The following EPPIN variants were observed in gnomAD, a reference collection of about 807,000 sequenced individuals.
EPPIN encodes the protein epididymal peptidase inhibitor, also known as WAP four-disulfide core domain protein 7.
Under a neutral mutation model 18.8 loss-of-function variants are expected in EPPIN, and 14 were observed. The ratio of observed to expected loss-of-function variants is 0.75; its 90% CI spans 0.49 to 1.17. EPPIN has a LOEUF of 1.17. EPPIN is among the 50% of genes most tolerant of loss of function. EPPIN has a pLI of 0.00. For missense variants in EPPIN, 143 were observed against 154.2 expected (o/e 0.93, Z 0.39); for synonymous variants, 57 against 54.8 (o/e 1.04, Z -0.18).
chr20:45,543,363 C>T (rs1979687022), intron 2 of EPPIN: 1 of 152,818 alleles, frequency 6.5e-6, no homozygotes, highest in South Asian at 2.1e-4. Flanking sequence ...GGACTTCTAG[C>T]CTGAGGAACT....
At chr20:45,545,407 C>T in intron 2 of EPPIN, 1 of 572,624 alleles carries the variant, frequency 1.7e-6, no homozygotes. Flanking sequence ...ACTGATTCAC[C>T]AATGATTTGT....
intron 3 of EPPIN, 73 bp downstream of exon 3, chr20:45,542,627 A>G (rs1979643733): frequency 6.4e-7 from 1 of 1,554,906 alleles, no homozygotes; most frequent in Non-Finnish European, 8.7e-7. Flanking sequence ...CTGTCCTGGA[A>G]TGGACCAGCC....
chr20:45,543,058 C>T, intron 2 of EPPIN, 191 bp from the exon 3 acceptor site: 1 of 903,768 alleles, frequency 1.1e-6, no homozygotes, highest in Admixed American at 3.4e-5. Context: ...GCATCTGCAT[C>T]CCTGGAGATA....
rs1258600992 is a variant in EPPIN, at chr20:45,542,807, T to C, written c.284A>G (p.Tyr95Cys). Residue 95 changes from tyrosine to cysteine, a missense_variant, in exon 3 of 4, where the codon TAT becomes TGT. Physicochemically the swap from Tyr to Cys is radical, Grantham distance 194 (BLOSUM62 -2). Transcript: ENST00000354280. ...PCLAYFLHWW[Y>C]DKKDNTCSMF... ...GGAGCAAGTATTATCTTTCTTGTCA[T>C]ACCACCAATGAAGAAAATAAGCCAG... 3 of 1,613,878 alleles carry C rather than the reference T, an allele frequency of 1.9e-6. No homozygotes were observed. The highest frequency in any genetic ancestry group is 2.5e-6 in the Non-Finnish European group (3 of 1,179,894).
chr20:45,542,158 C>T lies in EPPIN; in HGVS notation c.392-4G>A, dbSNP rs2231844. On this transcript the variant is annotated splice_polypyrimidine_tract_variant and splice_region_variant and intron_variant, in intron 3 of 3. Coordinates refer to ENST00000354280, the MANE Select transcript of EPPIN (RefSeq NM_020398.4). ...TCCTTATCCAATCAGGGAAAGCCTG[C>T]AGAGAACGTAGGACAGAAACAGCTG... 28,663 of 1,613,276 alleles carry T rather than the reference C, an allele frequency of 0.018. 1,338 individuals are homozygous for T. The highest frequency in any genetic ancestry group is 0.14 in the African/African-American group (10,184 of 74,938).
At chr20:45,545,596 CAG>C (rs1979791341) in intron 2 of EPPIN, 41 bp downstream of exon 2, 13 of 1,612,698 alleles carry the variant, frequency 8.1e-6, no homozygotes, top group Non-Finnish European at 1.1e-5. Flanking sequence ...AAGGTGAGGA[CAG>C]GGGGAGGAGG....
At chr20:45,545,816 T>C (rs1343863382) in intron 1 of EPPIN, 46 bp from the exon 2 acceptor site, 2 of 1,602,256 alleles carry the variant, frequency 1.2e-6, no homozygotes, top group South Asian at 1.1e-5. Flanking sequence ...GAGAGCATAG[T>C]GTCTCCCCAC....
chr20:45,542,992 C>G (rs898867816), intron 2 of EPPIN, 125 bp from the exon 3 acceptor site: 3 of 1,379,868 alleles, frequency 2.2e-6, no homozygotes, highest in Non-Finnish European at 2.9e-6. Context: ...TATCACATGG[C>G]AGGAGCACAG....
At chr20:45,542,285 C>A (rs1261781888) in intron 3 of EPPIN, 131 bp from the exon 4 acceptor site, 2 of 1,192,810 alleles carry the variant, frequency 1.7e-6, no homozygotes, top group South Asian at 1.5e-5. Context: ...GGGAGCTCTC[C>A]ATCTCCTTCA....
At position 45,547,313 on chromosome 20, in the gene EPPIN, GA is replaced by G; in HGVS notation, c.44del (p.Leu15ProfsTer2). The G allele has an allele frequency of 1.2e-6, 2 of 1,613,978 alleles. No individual in the cohort carries two copies. The highest frequency in any genetic ancestry group is 1.7e-6 in the Non-Finnish European group (2 of 1,179,910). On this transcript the variant is annotated frameshift_variant, in exon 1 of 4. Coordinates refer to ENST00000354280, the MANE Select transcript of EPPIN (RefSeq NM_020398.4). LOFTEE classifies it high-confidence loss of function. Reference protein sequence around the residue: ...GLLSLLVLFVLLANVQGPGLT... With the variant: ...GLLSLLVLFVXLANVQGPGLT... ...GACCAGGTCCCTGGACATTCGCTAA[GA>G]GGACGAATAGCACCAGGAGGCTCAA...
Position 45,542,830 on chromosome 20 carries a change from C to T in EPPIN, c.261G>A (p.Leu87=), listed in dbSNP as rs1979659705. 1 of 1,613,652 alleles carries T rather than the reference C, an allele frequency of 6.2e-7. No homozygotes were observed. The highest frequency in any genetic ancestry group is 8.5e-7 in the Non-Finnish European group (1 of 1,179,798). ...CATACCACCAATGAAGAAAATAAGC[C>T]AGGCAGGGGCCAGTTTCTTTTGGCA... ...CEMPKETGPC[L]AYFLHWWYDK... The change falls in exon 3 of 4, where the codon CTG becomes CTA. Residue 87 remains leucine, a synonymous_variant. Coordinates refer to ENST00000354280, the MANE Select transcript of EPPIN (RefSeq NM_020398.4).
chr20:45,543,464 TA>T (rs1213589444), intron 2 of EPPIN: 2 of 152,282 alleles, frequency 1.3e-5, no homozygotes, highest in Non-Finnish European at 1.5e-5. Flanking sequence ...CCCAACTAAA[TA>T]ATGCTTACAC....
rs1313427206 is a variant in EPPIN, at chr20:45,542,778, A to G, written c.313T>C (p.Phe105Leu). The G allele has an allele frequency of 1.9e-6, 3 of 1,613,992 alleles. No individual in the cohort carries two copies. Among genetic ancestry groups the G allele is most frequent in the Admixed American group, 1.7e-5 (1 of 60,008 alleles). ...TTTCCCTGGCAGCCACCATAGACAA[A>G]CATGGAGCAAGTATTATCTTTCTTG... Reference protein sequence around the residue: ...YDKKDNTCSMFVYGGCQGNNN... With the variant: ...YDKKDNTCSMLVYGGCQGNNN... The change falls in exon 3 of 4, where the codon TTT (phenylalanine) becomes CTT (leucine). Residue 105 changes from phenylalanine to leucine, a missense_variant. Transcript: ENST00000354280.
rs111544339 is a variant in EPPIN at position 45,543,898 on chromosome 20, A to C, written c.224-1031T>G. 3.3e-4 allele frequency: 50 copies of C among 152,634 alleles called. 1 individual carries two copies. Among genetic ancestry groups the C allele is most frequent in the African/African-American group, 1.2e-3 (50 of 41,582 alleles). The allele number at this position is 152,634 out of a possible 1,614,324, so 9.5% of individuals were successfully genotyped here. ...ATACCTCCATCCCTTTGCACTGCTC[A>C]CAGTGACACTCTTCTTACTTCAAAA... On this transcript the variant is annotated intron_variant, in intron 2 of 3. Transcript: ENST00000354280.
intron 1 of EPPIN, 112 bp downstream of exon 1, chr20:45,547,155 G>C: frequency 1.4e-6 from 2 of 1,465,762 alleles, no homozygotes; most frequent in Non-Finnish European, 9.2e-7. Flanking sequence ...CTCCCAACCC[G>C]GGACCTGGGC....
At chr20:45,542,438 C>T (rs908839234) in intron 3 of EPPIN, 2 of 639,792 alleles carry the variant, frequency 3.1e-6, no homozygotes, top group East Asian at 2.8e-5. Flanking sequence ...ACCACTTCTA[C>T]ACCCTTCCTC....
At chr20:45,544,729 A>T (rs1359913803) in intron 2 of EPPIN, 1 of 152,168 alleles carries the variant, frequency 6.6e-6, no homozygotes, top group South Asian at 2.1e-4. Context: ...CGATAGATGT[A>T]GTATGAACCT....
chr20:45,544,885 G>C (rs45452198), intron 2 of EPPIN: 2 of 151,910 alleles, frequency 1.3e-5, no homozygotes, highest in Non-Finnish European at 2.9e-5. Context: ...CTCACTCTGC[G>C]TTCTGGACTC....
intron 3 of EPPIN, 170 bp downstream of exon 3, chr20:45,542,530 A>G: frequency 1.0e-6 from 1 of 982,528 alleles, no homozygotes; most frequent in Non-Finnish European, 1.5e-6. Context: ...ATACTCAGAA[A>G]GTAACTTTGT....
Sources: allele counts gnomAD v4.1 joint callset, GRCh38; gene constraint gnomAD v4.1.1; transcripts MANE v1.5; gene names NCBI Gene and HGNC (gene_info 2026-07-23, HGNC 2026-07-21).